MAST4: variants seen among roughly 807,000 people sequenced by gnomAD.
MAST4 encodes the protein microtubule associated serine/threonine kinase family member 4.
In MAST4, 89 loss-of-function variants were observed where a neutral mutation model predicts 162.7. The observed-to-expected ratio is 0.55, with a 90% CI of 0.46 to 0.65. The LOEUF is 0.65. Ranked by LOEUF, MAST4 falls within the 30% of genes least tolerant of loss-of-function variation. The pLI is 0.00. For missense variants in MAST4, 3,153 were observed against 3,374.0 expected, an observed-to-expected ratio of 0.93 and a Z score of 1.62; for synonymous variants, 1,479 against 1,361.1, an observed-to-expected ratio of 1.09 and a Z score of -1.91.
chr5:66,770,043 T>C (rs150733685), intron 2 of MAST4, among the ~76,000 whole-genome samples: 26 of 152,366 alleles, frequency 1.7e-4, no homozygotes, highest in Admixed American at 1.6e-3. Flanking sequence ...AGTGTGGTTT[T>C]AGAACTTAAA....
chr5:66,803,885 AT>A lies in MAST4; in HGVS notation c.642+15092del, dbSNP rs140261008. On this transcript the variant is annotated intron_variant, in intron 3 of 28. Transcript: ENST00000403625. ...GGTGATACTACACATCCTTGTCTTAATCATAAAGAGAATGCTTTCCACATTG... is the reference window on the plus strand; with the variant it reads ...GGTGATACTACACATCCTTGTCTTAACATAAAGAGAATGCTTTCCACATTG... 4.4e-3 allele frequency among the ~76,000 whole-genome samples: 665 copies of A among 151,974 alleles called. 6 individuals are homozygous for A. The highest frequency in any genetic ancestry group is 0.016 in the African/African-American group (647 of 41,512).
At chr5:66,637,663 CT>C (rs1745211112) in intron 1 of MAST4, among the ~76,000 whole-genome samples, 1 of 152,018 alleles carries the variant, frequency 6.6e-6, no homozygotes, top group Non-Finnish European at 1.5e-5. Flanking sequence ...TATTTTAAAA[CT>C]TTCTTCTGTT....
At chr5:67,112,631 A>G (rs1766383471) in intron 11 of MAST4, among the ~76,000 whole-genome samples, 1 of 152,222 alleles carries the variant, frequency 6.6e-6, no homozygotes, top group Admixed American at 6.5e-5. Context: ...TAAAAACTAT[A>G]CAGATGATGA....
At chr5:67,051,087 G>C (rs12521076) in intron 4 of MAST4, among the ~76,000 whole-genome samples, 2,916 of 152,070 alleles carry the variant, frequency 0.019, 44 homozygotes, top group Admixed American at 0.033. Flanking sequence ...GCTTAGATAA[G>C]GGTGAGTTAT....
In MAST4 at chr5:66,926,735, T is replaced by C. The variant is rs1450565070; in HGVS notation, c.674+26753T>C. Among the ~76,000 whole-genome samples the C allele has an allele frequency of 3.3e-5, 5 of 152,154 alleles. 1 individual carries two copies. Among genetic ancestry groups the C allele is most frequent in the Admixed American group, 2.0e-4 (3 of 15,278 alleles). The stretch of plus-strand genomic sequence containing the variant: ...TACATTGATAGTTTTTTGTTGCTTT[T>C]TGTTTTTTTGCTATATGAAGGAAAA... On this transcript the variant is annotated intron_variant, in intron 4 of 28. Transcript: ENST00000403625.
intron 1 of MAST4, among the ~76,000 whole-genome samples, chr5:66,716,037 G>A (rs1055880699): frequency 2.6e-5 from 4 of 151,956 alleles, no homozygotes; most frequent in African/African-American, 9.7e-5. Flanking sequence ...TTTTGTTGCA[G>A]AAGGAGTATG....
chr5:66,725,065 G>A (rs1416195537), intron 1 of MAST4, among the ~76,000 whole-genome samples: 1 of 151,568 alleles, frequency 6.6e-6, no homozygotes, highest in Admixed American at 6.6e-5. Flanking sequence ...TAAAGAAATA[G>A]TGGTGTTTCT....
At position 66,794,301 on chromosome 5, in the gene MAST4, CAGTT is replaced by C. The variant is rs565307877; in HGVS notation, c.642+5510_642+5513del. On this transcript the variant is annotated intron_variant, in intron 3 of 28. Coordinates refer to ENST00000403625, the MANE Select transcript of MAST4 (RefSeq NM_001164664.2). ...TCCAGCTTCTGCCATTTATTAGCCT[CAGTT>C]AGGGCTGACTGTGTAGACTTCAGCT... 5.7e-3 allele frequency among the ~76,000 whole-genome samples: 869 copies of C among 152,222 alleles called. 9 individuals carry two copies. Among genetic ancestry groups the C allele is most frequent in the South Asian group, 0.057 (273 of 4,828 alleles).
At chr5:66,715,405 TTTAAAGAA>T (rs556993805) in intron 1 of MAST4, among the ~76,000 whole-genome samples, 225 of 152,046 alleles carry the variant, frequency 1.5e-3, no homozygotes, top group Non-Finnish European at 2.7e-3. Flanking sequence ...ATCTCAGGAA[TTTAAAGAA>T]TTAAGGGCCA....
In MAST4 at chr5:67,153,587, T is replaced by C. The variant is rs989417761; in HGVS notation, c.3648+7T>C. On this transcript the variant is annotated splice_region_variant and intron_variant, in intron 26 of 28. Coordinates refer to ENST00000403625, the MANE Select transcript of MAST4 (RefSeq NM_001164664.2). Reference sequence around the variant, plus strand: ...TATAGAACTCCTACTGAAGGTATTGTATGTTTTATGTCAGGGCCATGCTGA... The same window carrying C: ...TATAGAACTCCTACTGAAGGTATTGCATGTTTTATGTCAGGGCCATGCTGA... The C allele has an allele frequency of 6.4e-7, 1 of 1,568,564 alleles. No individual in the cohort carries two copies. The highest frequency in any genetic ancestry group is 8.6e-7 in the Non-Finnish European group (1 of 1,156,522).
At position 67,160,552 on chromosome 5, in the gene MAST4, A is replaced by G. The variant is rs1474808153; in HGVS notation, c.3745A>G (p.Arg1249Gly). 1 of 1,613,722 alleles carries G rather than the reference A, an allele frequency of 6.2e-7. No individual in the cohort carries two copies. Among genetic ancestry groups the G allele is most frequent in the Non-Finnish European group, 8.5e-7 (1 of 1,179,770 alleles). ...AAACAGCTATAAGAGCCGGATGGTGAGGCGGAGCAAGAAATCCAAGAAGAA... is the reference window on the plus strand; with the variant it reads ...AAACAGCTATAAGAGCCGGATGGTGGGGCGGAGCAAGAAATCCAAGAAGAA... ...RRNSYKSRMV[R>G]RSKKSKKKES... Residue 1249 changes from arginine (R) to glycine (G), a missense_variant, in exon 27 of 29, where the codon AGG becomes GGG. Physicochemically the swap from Arg to Gly is moderately radical, Grantham distance 125. This residue lies in a region of MAST4 where 619 missense variants were observed against 744.2 expected (regional missense o/e 0.83). Transcript: ENST00000403625.
chr5:66,997,433 C>CTT (rs35005578), intron 4 of MAST4, among the ~76,000 whole-genome samples: 3,923 of 134,948 alleles, frequency 0.029, 183 homozygotes, highest in African/African-American at 0.098. Context: ...TTTCTTTTCT[C>CTT]TTTTTTTTTT....
intron 1 of MAST4, among the ~76,000 whole-genome samples, chr5:66,621,869 C>A (rs1279121573): frequency 6.6e-6 from 1 of 152,134 alleles, no homozygotes; most frequent in Non-Finnish European, 1.5e-5. Flanking sequence ...CTATAGAGGG[C>A]CAAATAGTAA....
At chr5:66,927,037 T>A (rs545880179) in intron 4 of MAST4, among the ~76,000 whole-genome samples, 20 of 152,262 alleles carry the variant, frequency 1.3e-4, no homozygotes, top group South Asian at 1.0e-3. Flanking sequence ...TTTTTTAATT[T>A]AAAAAAATAA....
At position 66,596,448 on chromosome 5, in the gene MAST4, C is replaced by T; in HGVS notation, c.-208C>T. 1.9e-6 allele frequency: 1 copy of T among 520,966 alleles called. No individual in the cohort carries two copies. The highest frequency in any genetic ancestry group is 3.0e-6 in the Non-Finnish European group (1 of 337,962). 32.3% of individuals were successfully genotyped at this position (520,966 alleles called of 1,614,324 possible). On this transcript the variant is annotated 5_prime_UTR_variant, in exon 1 of 29. Coordinates refer to ENST00000403625, the MANE Select transcript of MAST4 (RefSeq NM_001164664.2). ...GGCATGTCCCCGCGCGCGGGAGCCT[C>T]CGTTTGCGGCCGGGCCCGGGCGGCT...
At chr5:67,150,330 A>G (rs1771647258) in intron 24 of MAST4, among the ~76,000 whole-genome samples, 1 of 152,236 alleles carries the variant, frequency 6.6e-6, no homozygotes, top group Non-Finnish European at 1.5e-5. Flanking sequence ...CTCGAATTAT[A>G]TTGCAGATGG....
At chr5:67,154,282 T>C (rs775495539) in intron 26 of MAST4, among the ~76,000 whole-genome samples, 4 of 152,228 alleles carry the variant, frequency 2.6e-5, no homozygotes, top group Non-Finnish European at 5.9e-5. Flanking sequence ...TTTTTCATTC[T>C]TTATAGCAGC....
rs1479688745 is a variant in MAST4, at chr5:67,142,551, T to A, written c.2730+18T>A. 2.1e-6 allele frequency: 3 copies of A among 1,462,638 alleles called. No homozygotes were observed. The highest frequency in any genetic ancestry group is 9.4e-7 in the Non-Finnish European group (1 of 1,062,830). The allele number at this position is 1,462,638 out of a possible 1,614,324, so 90.6% of individuals were successfully genotyped here. A position where few individuals can be genotyped will look rare whatever the true frequency, so the allele number is the denominator to read the frequency against. The stretch of plus-strand genomic sequence containing the variant: ...TTTCAAAAGTAAGTGAAATGTGGCA[T>A]AAACATACAGAGTCTCTCTGGGAGG... On this transcript the variant is annotated intron_variant, in intron 21 of 28. Coordinates refer to ENST00000403625, the MANE Select transcript of MAST4 (RefSeq NM_001164664.2).
At chr5:66,671,998 A>G (rs759125005) in intron 1 of MAST4, among the ~76,000 whole-genome samples, 1 of 152,178 alleles carries the variant, frequency 6.6e-6, no homozygotes, top group Non-Finnish European at 1.5e-5. Flanking sequence ...TAGCTCAGAA[A>G]CCCACCAATG....
Sources: allele counts gnomAD v4.1 joint callset (sites outside exome capture counted in the v4.1 genomes callset), GRCh38; gene constraint gnomAD v4.1.1; regional missense constraint gnomAD v4.1.1; transcripts MANE v1.5; gene names NCBI Gene and HGNC (gene_info 2026-07-23, HGNC 2026-07-21).